PSG8: variants seen among roughly 807,000 people sequenced by gnomAD.
PSG8 encodes pregnancy-specific beta-1-glycoprotein 8.
A neutral mutation model predicts 42.5 loss-of-function variants in PSG8; 57 were observed. The ratio of observed to expected loss-of-function variants is 1.34; its 90% CI spans 1.08 to 1.67. PSG8 has a LOEUF of 1.67. PSG8 is among the 40% of genes most tolerant of loss of function. The pLI, the probability that PSG8 is intolerant of heterozygous loss-of-function variation, is 0.00. For missense variants in PSG8, 783 were observed against 518.6 expected (o/e 1.51, Z -4.95); for synonymous variants, 280 against 196.8 (o/e 1.42, Z -3.54).
downstream of PSG8, chr19:42,753,889 C>G (rs1969841831): frequency 6.1e-6 from 3 of 494,198 alleles, no homozygotes; most frequent in Admixed American, 8.7e-5. Context: ...AATAGTTGCC[C>G]AATTCTGGGG....
At chr19:42,757,885 T>G in intron 3 of PSG8, 117 bp downstream of exon 3, 1 of 1,608,778 alleles carries the variant, frequency 6.2e-7, no homozygotes, top group Non-Finnish European at 8.5e-7. Flanking sequence ...TGGCCAGGTT[T>G]GATGTCCAGG....
rs376789797 is a variant in PSG8, at chr19:42,763,926, G to A, written c.420C>T (p.Phe140=). The A allele has an allele frequency of 4.0e-5, 65 of 1,613,636 alleles. No individual in the cohort carries two copies. Among genetic ancestry groups the A allele is most frequent in the Admixed American group, 1.0e-4 (6 of 59,986 alleles). ...TGTGGAATCACTCACGATATAAGGTGAAGGTGAAATGTCCAGTTACTCCTC... is the reference window on the plus strand; with the variant it reads ...TGTGGAATCACTCACGATATAAGGTAAAGGTGAAATGTCCAGTTACTCCTC... ...ENRGVTGHFT[F]TLYLETPKPS... The change falls in exon 2 of 5, where the codon TTC becomes TTT. Residue 140 remains phenylalanine, a synonymous_variant. Transcript: ENST00000306511.
chr19:42,759,272 T>C (rs1248615591), intron 2 of PSG8, among the ~76,000 whole-genome samples: 1 of 152,068 alleles, frequency 6.6e-6, no homozygotes, highest in African/African-American at 2.4e-5. Context: ...CTGATATCAG[T>C]GGATTCCAGA....
rs772315876 is a variant in PSG8, at chr19:42,758,099, T to G, written c.612A>C (p.Leu204=). ...CTGCAGTGTACTTTGTGACACCCAA[T>G]AGAAAGAGGGTCCTGTTGGTTTCAG... ...QLSETNRTLF[L]LGVTKYTAGP... Residue 204 remains leucine, a synonymous_variant, in exon 3 of 5, where the codon CTA becomes CTC. Coordinates refer to ENST00000306511, the MANE Select transcript of PSG8 (RefSeq NM_182707.3). 3.1e-6 allele frequency: 5 copies of G among 1,613,846 alleles called. No individual in the cohort carries two copies. The highest frequency in any genetic ancestry group is 4.2e-6 in the Non-Finnish European group (5 of 1,179,960).
intron 3 of PSG8, among the ~76,000 whole-genome samples, chr19:42,756,995 A>G (rs1431020031): frequency 3.3e-5 from 5 of 152,000 alleles, no homozygotes; most frequent in Non-Finnish European, 7.4e-5. Flanking sequence ...ATATATTGAT[A>G]TCGTCTTTAA....
At chr19:42,765,108 C>T (rs372970245) in intron 1 of PSG8, among the ~76,000 whole-genome samples, 3 of 151,900 alleles carry the variant, frequency 2.0e-5, no homozygotes, top group Admixed American at 2.0e-4. Context: ...GGTGTATTTC[C>T]CCCTATCCAG....
chr19:42,752,778 C>CCA (rs1349917176), downstream of PSG8: 1 of 176,032 alleles, frequency 5.7e-6, no homozygotes, highest in Non-Finnish European at 1.2e-5. Context: ...CGAGAGCCAT[C>CCA]CACAGAATGT....
Position 42,754,344 on chromosome 19 carries a change from A to C in PSG8, c.1232T>G (p.Val411Gly), listed in dbSNP as rs1969855163. 1 of 1,613,700 alleles carries C rather than the reference A, an allele frequency of 6.2e-7. No individual in the cohort carries two copies. The highest frequency in any genetic ancestry group is 8.5e-7 in the Non-Finnish European group (1 of 1,179,802). The change falls in exon 5 of 5, where the codon GTA becomes GGA. Residue 411 changes from valine to glycine, a missense_variant. Physicochemically the swap from Val to Gly is moderately radical, Grantham distance 109. Coordinates refer to ENST00000306511, the MANE Select transcript of PSG8 (RefSeq NM_182707.3). ...TGKESSKSMT[V>G]KVSGKRIPVS... The stretch of plus-strand genomic sequence containing the variant: ...TGGGATCCGCTTACCAGAGACTTTT[A>C]CTGTCATGGATTTGGAGCTTTCCTT...
intron 3 of PSG8, chr19:42,755,805 G>A (rs1394913634): frequency 1.9e-5 from 3 of 161,664 alleles, no homozygotes; most frequent in African/African-American, 7.2e-5. Context: ...GGGGAGACCA[G>A]AATCAAGCCT....
rs369474164 is a variant in PSG8 at position 42,755,677 on chromosome 19, G to T, written c.710-411C>A. On this transcript the variant is annotated intron_variant, in intron 3 of 4. Coordinates refer to ENST00000306511, the MANE Select transcript of PSG8 (RefSeq NM_182707.3). ...TCCCCCTAGATGTGATTTCTCTGCA[G>T]CTTCCATTTCCAAGGACATTCTAGA... The T allele has an allele frequency of 6.0e-5, 15 of 249,776 alleles. No homozygotes were observed. In the East Asian group the frequency reaches 1.0e-3, roughly 17 times the overall value. 15.5% of individuals were successfully genotyped at this position (249,776 alleles called of 1,614,324 possible).
At chr19:42,760,282 A>T (rs373964751) in intron 2 of PSG8, among the ~76,000 whole-genome samples, 2 of 152,068 alleles carry the variant, frequency 1.3e-5, no homozygotes, top group Non-Finnish European at 2.9e-5. Context: ...AAGGCAGTAA[A>T]ACCATCAGAT....
chr19:42,760,076 A>G (rs1025704413), intron 2 of PSG8, among the ~76,000 whole-genome samples: 1 of 152,154 alleles, frequency 6.6e-6, no homozygotes, highest in Non-Finnish European at 1.5e-5. Context: ...AGTTAGGAAA[A>G]ATGGGGAGGA....
chr19:42,759,591 G>A (rs1001460048), intron 2 of PSG8, among the ~76,000 whole-genome samples: 1 of 152,036 alleles, frequency 6.6e-6, no homozygotes, highest in African/African-American at 2.4e-5. Context: ...TCACATCAGT[G>A]GTCAGAAGTG....
At chr19:42,761,335 C>CCATG (rs1312232850) in intron 2 of PSG8, among the ~76,000 whole-genome samples, 1 of 152,168 alleles carries the variant, frequency 6.6e-6, no homozygotes, top group Non-Finnish European at 1.5e-5. Flanking sequence ...TAGTGAAAGA[C>CCATG]CATGAGATTA....
intron 2 of PSG8, among the ~76,000 whole-genome samples, chr19:42,762,455 C>T (rs1970101624): frequency 1.3e-5 from 2 of 152,026 alleles, no homozygotes; most frequent in African/African-American, 4.8e-5. Context: ...GGACAAGGGA[C>T]AGGTGTGGCT....
chr19:42,754,345 C>G lies in PSG8; in HGVS notation c.1231G>C (p.Val411Leu), dbSNP rs1969855243. The part of the protein sequence containing the change: ...TGKESSKSMT[V>L]KVSGKRIPVS... ...GGGATCCGCTTACCAGAGACTTTTACTGTCATGGATTTGGAGCTTTCCTTG... is the reference window on the plus strand; with the variant it reads ...GGGATCCGCTTACCAGAGACTTTTAGTGTCATGGATTTGGAGCTTTCCTTG... The change falls in exon 5 of 5, where the codon GTA becomes CTA. Residue 411 changes from valine (V) to leucine (L), a missense_variant. Transcript: ENST00000306511. The G allele has an allele frequency of 6.2e-7, 1 of 1,613,810 alleles. No homozygotes were observed. Among genetic ancestry groups the G allele is most frequent in the African/African-American group, 1.3e-5 (1 of 75,014 alleles).
At position 42,764,035 on chromosome 19, in the gene PSG8, T is replaced by A; in HGVS notation, c.311A>T (p.Asn104Ile). The A allele has an allele frequency of 6.2e-7, 1 of 1,613,880 alleles. No homozygotes were observed. Among genetic ancestry groups the A allele is most frequent in the Non-Finnish European group, 8.5e-7 (1 of 1,179,888 alleles). ...AYSGRETIYS[N>I]ASLLIQNVTQ... is the part of the protein sequence containing the mutation. ...GACATTCTGGATCAGCAGGGATGCA[T>A]TGGAATATATTGTTTCTCGTCCACT... is the stretch of plus-strand genomic sequence containing the variant. The change falls in exon 2 of 5, where the codon AAT becomes ATT. Residue 104 changes from asparagine (N) to isoleucine (I), a missense_variant. Physicochemically the swap from Asn to Ile is moderately radical, Grantham distance 149 (BLOSUM62 -3). Transcript: ENST00000306511.
intron 2 of PSG8, among the ~76,000 whole-genome samples, chr19:42,762,149 A>T (rs1600418804): frequency 6.6e-6 from 1 of 151,382 alleles, no homozygotes; most frequent in Admixed American, 6.6e-5. Context: ...GTGTCTGGGG[A>T]AGGCCTAGGG....
intron 4 of PSG8, 120 bp from the exon 5 acceptor site, chr19:42,754,707 C>G (rs1330222395): frequency 4.5e-6 from 6 of 1,338,096 alleles, no homozygotes; most frequent in Non-Finnish European, 3.0e-6. Flanking sequence ...CCAGCCCAAC[C>G]CCCTCTATGT....
Sources: gnomAD v4.1 joint callset for allele counts (sites outside exome capture counted in the v4.1 genomes callset) on GRCh38, gnomAD v4.1.1 for gene constraint, MANE v1.5 for transcripts, NCBI Gene and HGNC (gene_info 2026-07-23, HGNC 2026-07-21) for gene names.